KAT14: variants seen among roughly 807,000 people sequenced by gnomAD.
KAT14 encodes cysteine-rich protein 2-binding protein.
KAT14 carries 66 observed loss-of-function variants against 78.4 expected under a neutral mutation model. The ratio of observed to expected loss-of-function variants is 0.84; its 90% CI spans 0.69 to 1.03. The LOEUF (loss-of-function observed/expected upper bound fraction) is 1.03. KAT14 is among the 50% of genes least tolerant of loss of function. KAT14 has a pLI of 0.00. For missense variants in KAT14, 870 were observed against 972.5 expected (o/e 0.89, Z 1.40); for synonymous variants, 344 against 359.4 (o/e 0.96, Z 0.48).
In KAT14 at chr20:18,184,488, T is replaced by TG. The variant is rs1243140291; in HGVS notation, c.1982-114_1982-113insG. 3.4e-5 allele frequency: 25 copies of TG among 732,198 alleles called. No homozygotes were observed. The East Asian group carries it at 1.2e-3, about 35-fold the overall frequency. 45.4% of individuals were successfully genotyped at this position (732,198 alleles called of 1,614,324 possible). A position where few individuals can be genotyped will look rare whatever the true frequency, so the allele number is the denominator to read the frequency against. ...CTATGTTACCTCCAGTTTTGGTGTTTTTTTTTTTTTTTTTTAGCATGCAGG... is the reference window on the plus strand; with the variant it reads ...CTATGTTACCTCCAGTTTTGGTGTTTGTTTTTTTTTTTTTTTAGCATGCAGG... On this transcript the variant is annotated intron_variant, in intron 9 of 10. Coordinates refer to ENST00000688188, the MANE Select transcript of KAT14 (RefSeq NM_001392073.1).
intron 3 of KAT14, among the ~76,000 whole-genome samples, chr20:18,148,603 A>ATTTTT (rs978610988): frequency 7.0e-6 from 1 of 142,868 alleles, no homozygotes. Flanking sequence ...ACTGGGGTTC[A>ATTTTT]TTTTTTTTTG....
chr20:18,183,967 T>G (rs2039357903), intron 9 of KAT14, among the ~76,000 whole-genome samples: 1 of 152,250 alleles, frequency 6.6e-6, no homozygotes, highest in Admixed American at 6.5e-5. Flanking sequence ...TCGTCTTTAT[T>G]GTCACATAAT....
intron 7 of KAT14, among the ~76,000 whole-genome samples, chr20:18,174,152 A>T (rs1028749892): frequency 1.3e-5 from 2 of 152,258 alleles, no homozygotes; most frequent in African/African-American, 4.8e-5. Context: ...ATATATTAGT[A>T]TTCCTAAATA....
At chr20:18,187,166 C>A in intron 10 of KAT14, 120 bp from the exon 11 acceptor site, 1 of 1,311,898 alleles carries the variant, frequency 7.6e-7, no homozygotes, top group African/African-American at 1.5e-5. Flanking sequence ...GTCTCAGCCT[C>A]AGTCTCTGAT....
At chr20:18,138,741 T>C (rs2037402242) in intron 1 of KAT14, among the ~76,000 whole-genome samples, 1 of 152,248 alleles carries the variant, frequency 6.6e-6, no homozygotes, top group South Asian at 2.1e-4. Flanking sequence ...CGTGACCTGC[T>C]GATCAGCAGT....
rs1477864962 is a variant in KAT14, at chr20:18,142,566, T to C, written c.-95T>C. 9.7e-6 allele frequency: 15 copies of C among 1,547,708 alleles called. No individual in the cohort carries two copies. The highest frequency in any genetic ancestry group is 1.3e-5 in the Non-Finnish European group (15 of 1,145,462). On this transcript the variant is annotated 5_prime_UTR_variant, in exon 2 of 11. Transcript: ENST00000688188. The stretch of plus-strand genomic sequence containing the variant: ...TGGGCAGACACTTTTTGGAAGAGTC[T>C]GTCTGGGTGATCCTGGTAGAAGCCC...
Position 18,137,928 on chromosome 20 carries a change from G to C in KAT14, c.-577G>C. 6.8e-7 allele frequency: 1 copy of C among 1,476,950 alleles called. No homozygotes were observed. Among genetic ancestry groups the C allele is most frequent in the Non-Finnish European group, 8.9e-7 (1 of 1,121,072 alleles). The allele number at this position is 1,476,950 out of a possible 1,614,324, so 91.5% of individuals were successfully genotyped here. On this transcript the variant is annotated 5_prime_UTR_variant, in exon 1 of 11. Transcript: ENST00000688188. ...GCCTCTGCGCCTCGGGCGGGCGGGA[G>C]AGAGAGGCCGCGGCCGCCAGCGTGG...
At chr20:18,157,996 G>T (rs1198052475) in intron 4 of KAT14, among the ~76,000 whole-genome samples, 1 of 152,084 alleles carries the variant, frequency 6.6e-6, no homozygotes, top group African/African-American at 2.4e-5. Context: ...GGAGTGCAAT[G>T]GTGCAGTCTT....
intron 1 of KAT14, among the ~76,000 whole-genome samples, chr20:18,140,648 A>T (rs543442775): frequency 6.6e-6 from 1 of 151,680 alleles, no homozygotes. Context: ...CGTCTCTACT[A>T]AAAATACAAA....
intron 4 of KAT14, among the ~76,000 whole-genome samples, chr20:18,154,315 A>C (rs1046699496): frequency 6.6e-6 from 1 of 152,132 alleles, no homozygotes; most frequent in African/African-American, 2.4e-5. Flanking sequence ...TTATTTACTT[A>C]CTTACTTATT....
Position 18,145,310 on chromosome 20 carries a change from G to A in KAT14, c.337G>A (p.Gly113Ser). 6.2e-7 allele frequency: 1 copy of A among 1,614,162 alleles called. No individual in the cohort carries two copies. Among genetic ancestry groups the A allele is most frequent in the Non-Finnish European group, 8.5e-7 (1 of 1,180,034 alleles). Residue 113 changes from glycine to serine, a missense_variant, in exon 3 of 11, where the codon GGC becomes AGC. By Grantham distance (56) the Gly-to-Ser change is moderately conservative. Coordinates refer to ENST00000688188, the MANE Select transcript of KAT14 (RefSeq NM_001392073.1). ...RFTCSDCSADGKEQYERLKLT... is the reference protein window; with the variant it reads ...RFTCSDCSADSKEQYERLKLT... ...TACTTGTTCGGATTGCTCAGCAGAT[G>A]GCAAGGAGCAGTATGAAAGGCTGAA... is the stretch of plus-strand genomic sequence containing the variant.
chr20:18,145,232 G>C lies in KAT14; in HGVS notation c.260-1G>C. 11 of 1,613,640 alleles carry C rather than the reference G, an allele frequency of 6.8e-6. No homozygotes were observed. The highest frequency in any genetic ancestry group is 9.3e-6 in the Non-Finnish European group (11 of 1,179,852). Reference sequence around the variant, plus strand: ...GATGTGACTTTTTGTTTTTCTCCTAGGTCAGCTGAGGGAACAGCTCAGTTA... The same window carrying C: ...GATGTGACTTTTTGTTTTTCTCCTACGTCAGCTGAGGGAACAGCTCAGTTA... On this transcript the variant is annotated splice_acceptor_variant, in intron 2 of 10. Coordinates refer to ENST00000688188, the MANE Select transcript of KAT14 (RefSeq NM_001392073.1). LOFTEE classifies it high-confidence loss of function.
intron 10 of KAT14, among the ~76,000 whole-genome samples, chr20:18,186,018 C>T (rs1298175028): frequency 6.6e-6 from 1 of 152,172 alleles, no homozygotes; most frequent in Non-Finnish European, 1.5e-5. Context: ...GTTGATCTCT[C>T]AGTATGCGTC....
rs562210468 is a variant in KAT14 at position 18,183,685 on chromosome 20, A to G, written c.1981+387A>G. On this transcript the variant is annotated intron_variant, in intron 9 of 10. Coordinates refer to ENST00000688188, the MANE Select transcript of KAT14 (RefSeq NM_001392073.1). ...TGTTTTGTTTATTTAGCTGTTCCTTAGAGAGTATTAGTACAGCCAGAAGGT... is the reference window on the plus strand; with the variant it reads ...TGTTTTGTTTATTTAGCTGTTCCTTGGAGAGTATTAGTACAGCCAGAAGGT... The G allele has an allele frequency of 3.2e-5, 10 of 313,916 alleles. No individual in the cohort carries two copies. The South Asian group carries it at 1.1e-3, about 35-fold the overall frequency. 19.4% of individuals were successfully genotyped at this position (313,916 alleles called of 1,614,324 possible).
At chr20:18,166,862 A>G (rs1444324693) in intron 7 of KAT14, among the ~76,000 whole-genome samples, 1 of 152,246 alleles carries the variant, frequency 6.6e-6, no homozygotes, top group Non-Finnish European at 1.5e-5. Flanking sequence ...CTGGAATTCC[A>G]TACACAGCCA....
At position 18,162,405 on chromosome 20, in the gene KAT14, CAT is replaced by C; in HGVS notation, c.1130_1131del (p.Ile377ArgfsTer30). ...DDDEMEGDGV[I>X]DPGMEYVPPP... ...ACGATGAGATGGAAGGCGATGGAGTCATAGACCCAGGGATGGAGTACGTCCCA... is the reference window on the plus strand; with the variant it reads ...ACGATGAGATGGAAGGCGATGGAGTCAGACCCAGGGATGGAGTACGTCCCA... On this transcript the variant is annotated frameshift_variant, in exon 7 of 11. Transcript: ENST00000688188. LOFTEE classifies it high-confidence loss of function. The C allele has an allele frequency of 6.2e-7, 1 of 1,613,622 alleles. No individual in the cohort carries two copies. Among genetic ancestry groups the C allele is most frequent in the African/African-American group, 1.3e-5 (1 of 75,010 alleles).
intron 7 of KAT14, among the ~76,000 whole-genome samples, chr20:18,167,227 G>A (rs2038671848): frequency 6.6e-6 from 1 of 152,138 alleles, no homozygotes; most frequent in African/African-American, 2.4e-5. Flanking sequence ...GCTGCTGCCT[G>A]GATTTTAGCG....
chr20:18,186,201 G>A (rs1052407496), intron 10 of KAT14, among the ~76,000 whole-genome samples: 1 of 152,202 alleles, frequency 6.6e-6, no homozygotes. Context: ...CACTGGAGGA[G>A]TGGTTCATCT....
intron 1 of KAT14, among the ~76,000 whole-genome samples, chr20:18,141,962 A>G (rs766011437): frequency 2.0e-5 from 3 of 152,138 alleles, no homozygotes; most frequent in African/African-American, 4.8e-5. Flanking sequence ...TTTCTGTACT[A>G]AATGTTCAGG....
Sources: gnomAD v4.1 joint callset for allele counts (sites outside exome capture counted in the v4.1 genomes callset) on GRCh38, gnomAD v4.1.1 for gene constraint, MANE v1.5 for transcripts, NCBI Gene and HGNC (gene_info 2026-07-23, HGNC 2026-07-21) for gene names.